The following UNC13A variants were observed in gnomAD, a reference collection of about 807,000 sequenced individuals.
The protein encoded by UNC13A is unc-13 homolog A.
UNC13A carries 61 observed loss-of-function variants against 219.7 expected under a neutral mutation model. That is an observed-to-expected ratio of 0.28 (90% CI 0.23 to 0.34). UNC13A has a LOEUF of 0.34. Ranked by LOEUF, UNC13A falls within the 10% of genes least tolerant of loss-of-function variation. The pLI, the probability that UNC13A is intolerant of heterozygous loss-of-function variation, is 1.00. For missense variants in UNC13A, 1,476 were observed against 2,270.3 expected (o/e 0.65, Z 7.11); for synonymous variants, 920 against 884.6 (o/e 1.04, Z -0.71).
chr19:17,656,711 G>A (rs1273581791), intron 9 of UNC13A, among the ~76,000 whole-genome samples: 3 of 152,104 alleles, frequency 2.0e-5, no homozygotes, highest in Non-Finnish European at 2.9e-5. Context: ...AATTAGCTGC[G>A]CATGGTGGCG....
chr19:17,608,447 T>A (rs180968744), intron 43 of UNC13A, among the ~76,000 whole-genome samples: 1,991 of 137,942 alleles, frequency 0.014, 20 homozygotes, highest in Non-Finnish European at 0.021. Context: ...TATTATATAT[T>A]ATATAATATA....
At chr19:17,617,955 T>G in intron 40 of UNC13A, 106 bp from the exon 41 acceptor site, 1 of 1,412,320 alleles carries the variant, frequency 7.1e-7, no homozygotes, top group Non-Finnish European at 9.6e-7. Flanking sequence ...CGCTACTACT[T>G]TCTCACCTCT....
In UNC13A at chr19:17,617,855, G is replaced by A; in HGVS notation, c.4411-6C>T. 1 of 1,613,752 alleles carries A rather than the reference G, an allele frequency of 6.2e-7. No individual in the cohort carries two copies. Among genetic ancestry groups the A allele is most frequent in the Non-Finnish European group, 8.5e-7 (1 of 1,179,824 alleles). On this transcript the variant is annotated splice_polypyrimidine_tract_variant and splice_region_variant and intron_variant, in intron 40 of 43. Coordinates refer to ENST00000519716, the MANE Select transcript of UNC13A (RefSeq NM_001080421.3). ...CCACCCGCGTGGAAATATTGCTGGG[G>A]AGGACAGGGTGGGGAGAGGTGAGGA...
In UNC13A at chr19:17,656,273, C is replaced by T. The variant is rs780304420; in HGVS notation, c.893G>A (p.Arg298Gln). The T allele has an allele frequency of 1.9e-5, 30 of 1,551,888 alleles. No homozygotes were observed. Among genetic ancestry groups the T allele is most frequent in the South Asian group, 5.9e-5 (5 of 84,080 alleles). ...QGSDMEDERD[R>Q]DSYHSCHSSV... Reference sequence around the variant, plus strand: ...GCTGTGGCAGGAGTGGTAGGAGTCCCGGTCCCGCTCATCCTCCATGTCGGA... The same window carrying T: ...GCTGTGGCAGGAGTGGTAGGAGTCCTGGTCCCGCTCATCCTCCATGTCGGA... The change falls in exon 10 of 44, where the codon CGG (arginine) becomes CAG (glutamine). Residue 298 changes from arginine (R) to glutamine (Q), a missense_variant. By Grantham distance (43) the Arg-to-Gln change is conservative. Around this residue, in one of 14 missense-constraint regions of UNC13A, gnomAD observed 351 missense variants for 342.6 expected, o/e 1.02. Coordinates refer to ENST00000519716, the MANE Select transcript of UNC13A (RefSeq NM_001080421.3).
At chr19:17,625,733 C>G (rs997032554) in intron 34 of UNC13A, among the ~76,000 whole-genome samples, 2 of 151,806 alleles carry the variant, frequency 1.3e-5, no homozygotes, top group African/African-American at 4.8e-5. Flanking sequence ...CCCACCCCCC[C>G]ATCTGTCCAA....
chr19:17,629,175 A>C, intron 31 of UNC13A, 65 bp downstream of exon 31: 1 of 1,414,400 alleles, frequency 7.1e-7, no homozygotes, highest in Non-Finnish European at 9.8e-7. Flanking sequence ...CCTGGGGAGA[A>C]GGGAGTCCTG....
At chr19:17,630,535 T>C (rs113529123) in intron 29 of UNC13A, 119 bp downstream of exon 29, 29,926 of 1,244,276 alleles carry the variant, frequency 0.024, 459 homozygotes, top group Middle Eastern at 0.08. Context: ...TTAAAAACCA[T>C]GAGCAAGACA....
intron 1 of UNC13A, among the ~76,000 whole-genome samples, chr19:17,686,868 C>T (rs1448644139): frequency 6.6e-6 from 1 of 151,964 alleles, no homozygotes; most frequent in African/African-American, 2.4e-5. Context: ...CCCGGCTCCC[C>T]GGCCTGCCCA....
At chr19:17,609,404 C>T (rs533587682) in intron 43 of UNC13A, among the ~76,000 whole-genome samples, 19 of 151,974 alleles carry the variant, frequency 1.3e-4, no homozygotes, top group African/African-American at 4.3e-4. Context: ...GTGACACCCA[C>T]CCCCAAGCCT....
At chr19:17,616,300 C>G (rs917793638) in intron 41 of UNC13A, 8 of 619,608 alleles carry the variant, frequency 1.3e-5, no homozygotes, top group Non-Finnish European at 2.0e-5. Flanking sequence ...GGCGGCGGCC[C>G]TGCAGGCCCT....
intron 11 of UNC13A, among the ~76,000 whole-genome samples, chr19:17,653,448 A>G (rs961822636): frequency 2.6e-5 from 4 of 151,116 alleles, no homozygotes; most frequent in African/African-American, 9.7e-5. Context: ...CCTGGGTTCA[A>G]GCGATTCTCC....
intron 1 of UNC13A, among the ~76,000 whole-genome samples, chr19:17,683,194 C>G (rs2080050635): frequency 6.6e-6 from 1 of 152,160 alleles, no homozygotes; most frequent in Admixed American, 6.6e-5. Context: ...CCAGTAGGCT[C>G]TAGAGTCAGT....
chr19:17,640,258 C>T (rs1199989016), intron 22 of UNC13A, among the ~76,000 whole-genome samples: 2 of 152,112 alleles, frequency 1.3e-5, no homozygotes, highest in Non-Finnish European at 2.9e-5. Flanking sequence ...AGGCTGGTCT[C>T]GAACTCCTGG....
At chr19:17,624,622 T>C (rs113240006) in intron 35 of UNC13A, among the ~76,000 whole-genome samples, 2 of 152,140 alleles carry the variant, frequency 1.3e-5, no homozygotes, top group African/African-American at 4.8e-5. Flanking sequence ...CGATGATCTT[T>C]AACCCCTGTG....
intron 26 of UNC13A, among the ~76,000 whole-genome samples, chr19:17,635,503 CTG>C (rs1234660774): frequency 2.6e-5 from 4 of 151,982 alleles, no homozygotes; most frequent in Non-Finnish European, 5.9e-5. Flanking sequence ...CAAATGAAAA[CTG>C]TGCCCATATT....
chr19:17,643,385 T>C (rs1328206870), intron 19 of UNC13A, among the ~76,000 whole-genome samples: 1 of 151,984 alleles, frequency 6.6e-6, no homozygotes, highest in Admixed American at 6.6e-5. Context: ...GGTGGCGCAA[T>C]CTTGGCTCAC....
chr19:17,608,041 C>T (rs2076553364), intron 43 of UNC13A, among the ~76,000 whole-genome samples: 1 of 149,808 alleles, frequency 6.7e-6, no homozygotes, highest in Non-Finnish European at 1.5e-5. Flanking sequence ...GCCACCACAC[C>T]CGGCTAATTT....
chr19:17,609,269 C>T (rs1252880470), intron 43 of UNC13A, among the ~76,000 whole-genome samples: 2 of 151,982 alleles, frequency 1.3e-5, no homozygotes, highest in Non-Finnish European at 2.9e-5. Context: ...CACACTCGGC[C>T]AGAGCAGACT....
At chr19:17,686,307 C>A (rs1599427043) in intron 1 of UNC13A, among the ~76,000 whole-genome samples, 3 of 50,964 alleles carry the variant, frequency 5.9e-5, no homozygotes, top group Non-Finnish European at 1.2e-4. Context: ...CGCCCCCCCC[C>A]CCCCCCCCCC....
Sources: allele counts gnomAD v4.1 joint callset (sites outside exome capture counted in the v4.1 genomes callset), GRCh38; gene constraint gnomAD v4.1.1; regional missense constraint gnomAD v4.1.1; transcripts MANE v1.5; gene names NCBI Gene and HGNC (gene_info 2026-07-23, HGNC 2026-07-21).